PDE1A: variants seen among roughly 807,000 people sequenced by gnomAD.
PDE1A encodes the protein phosphodiesterase 1A, also known as dual specificity calcium/calmodulin-dependent 3',5'-cyclic nucleotide phosphodiesterase 1A.
A neutral mutation model predicts 61.7 loss-of-function variants in PDE1A; 35 were observed. The ratio of observed to expected loss-of-function variants is 0.57; its 90% confidence interval spans 0.43 to 0.75. The LOEUF (loss-of-function observed/expected upper bound fraction) is 0.75, where lower values mean the gene tolerates loss of function less well. Ranked by LOEUF, PDE1A falls within the 30% of genes least tolerant of loss-of-function variation. The pLI, the probability that PDE1A is intolerant of heterozygous loss-of-function variation, is 0.00. For missense variants in PDE1A, 597 were observed against 630.6 expected, an observed-to-expected ratio of 0.95 and a Z score of 0.57; for synonymous variants, 232 against 213.2, an observed-to-expected ratio of 1.09 and a Z score of -0.77.
chr2:182,644,339 C>T, the PDE1A span, among the ~76,000 whole-genome samples: 1 of 146,546 alleles, frequency 6.8e-6, no homozygotes, highest in Admixed American at 6.8e-5. Flanking sequence ...GTATGAAACC[C>T]AAAGTTGTTA....
intron 2 of PDE1A, among the ~76,000 whole-genome samples, chr2:182,451,570 T>A: frequency 6.6e-6 from 1 of 152,062 alleles, no homozygotes; most frequent in East Asian, 1.9e-4. Context: ...AAATGTTAAT[T>A]TTTTTATAAA....
the PDE1A span, among the ~76,000 whole-genome samples, chr2:182,644,181 C>T: frequency 7.8e-6 from 1 of 128,166 alleles, no homozygotes; most frequent in Non-Finnish European, 1.7e-5. Flanking sequence ...TGAGCTTCTA[C>T]ACCTGAGGAT....
the PDE1A span, among the ~76,000 whole-genome samples, chr2:182,677,883 T>C: frequency 6.6e-6 from 1 of 152,172 alleles, no homozygotes; most frequent in Admixed American, 6.5e-5. Flanking sequence ...TCTGTACATG[T>C]CTGACTGCCC....
chr2:182,364,501 C>CAAAAAAAAA (rs1699725685), intron 1 of PDE1A, among the ~76,000 whole-genome samples: 1 of 35,502 alleles, frequency 2.8e-5, no homozygotes, highest in African/African-American at 8.3e-5. Context: ...AAAAAAAAAC[C>CAAAAAAAAA]TTATTCTGAA....
intron 13 of PDE1A, among the ~76,000 whole-genome samples, chr2:182,149,560 A>C (rs1196886951): frequency 6.6e-6 from 1 of 152,210 alleles, no homozygotes; most frequent in Non-Finnish European, 1.5e-5. Context: ...CATGACAGCC[A>C]GATAGCAGAG....
At chr2:182,652,701 A>C in the PDE1A span, among the ~76,000 whole-genome samples, 1 of 152,176 alleles carries the variant, frequency 6.6e-6, no homozygotes, top group Non-Finnish European at 1.5e-5. Context: ...CCTCTTCAAA[A>C]AGCTTCATAT....
intron 2 of PDE1A, among the ~76,000 whole-genome samples, chr2:182,506,087 C>A (rs1689394425): frequency 6.6e-6 from 1 of 152,168 alleles, no homozygotes; most frequent in South Asian, 2.1e-4. Context: ...AACTAAATAT[C>A]AGAAAATGAT....
intron 13 of PDE1A, among the ~76,000 whole-genome samples, chr2:182,158,022 T>C (rs1457583611): frequency 6.6e-6 from 1 of 152,190 alleles, no homozygotes; most frequent in Non-Finnish European, 1.5e-5. Flanking sequence ...ACGTTATTTC[T>C]TTCTCTGCTA....
chr2:182,306,864 G>T (rs1049453195), intron 1 of PDE1A, among the ~76,000 whole-genome samples: 2 of 152,128 alleles, frequency 1.3e-5, no homozygotes, highest in African/African-American at 2.4e-5. Context: ...AAACACAGGG[G>T]TGACACTATA....
chr2:182,516,310 GTCAC>G (rs1690144415), intron 2 of PDE1A, among the ~76,000 whole-genome samples: 1 of 152,000 alleles, frequency 6.6e-6, no homozygotes, highest in Non-Finnish European at 1.5e-5. Context: ...TTAAGTCCTT[GTCAC>G]TCACTCCTAC....
chr2:182,679,480 C>T, the PDE1A span, among the ~76,000 whole-genome samples: 3 of 150,772 alleles, frequency 2.0e-5, no homozygotes, highest in Admixed American at 6.6e-5. Flanking sequence ...AGATTACAGG[C>T]GTGAGCCACC....
At chr2:182,341,511 C>T (rs1294249199) in intron 1 of PDE1A, among the ~76,000 whole-genome samples, 3 of 152,138 alleles carry the variant, frequency 2.0e-5, no homozygotes, top group African/African-American at 7.2e-5. Flanking sequence ...CTCATAGTTC[C>T]CTTCCCTGAA....
At chr2:182,399,898 G>T (rs10198076) in intron 1 of PDE1A, among the ~76,000 whole-genome samples, 110,328 of 151,956 alleles carry the variant, frequency 0.73, 40,320 homozygotes, top group East Asian at 0.96. Context: ...GATGGTCCTA[G>T]ATACTGATGT....
At chr2:182,222,516 A>G (rs943137770) in intron 7 of PDE1A, among the ~76,000 whole-genome samples, 1 of 152,034 alleles carries the variant, frequency 6.6e-6, no homozygotes, top group Non-Finnish European at 1.5e-5. Context: ...CCATAATGCA[A>G]AGAGTGAACC....
chr2:182,644,128 T>TACAC, the PDE1A span, among the ~76,000 whole-genome samples: 9,144 of 129,468 alleles, frequency 0.071, 382 homozygotes, highest in Middle Eastern at 0.11. Context: ...AATCAATGAT[T>TACAC]ACACACACAC....
chr2:182,185,694 CACAA>C, intron 13 of PDE1A, 194 bp downstream of exon 13: 1 of 976,300 alleles, frequency 1.0e-6, no homozygotes, highest in Non-Finnish European at 1.5e-6. Flanking sequence ...GCCCATGTGG[CACAA>C]ACAAACCAGA....
At chr2:182,666,727 A>G in the PDE1A span, among the ~76,000 whole-genome samples, 1 of 152,208 alleles carries the variant, frequency 6.6e-6, no homozygotes, top group Non-Finnish European at 1.5e-5. Context: ...ACATTCAGGA[A>G]CCAGGGAAGA....
intron 2 of PDE1A, among the ~76,000 whole-genome samples, chr2:182,475,594 G>A (rs1288320279): frequency 1.3e-5 from 2 of 151,866 alleles, no homozygotes; most frequent in Non-Finnish European, 2.9e-5. Flanking sequence ...TATAGTTTTT[G>A]TGACTGAAAT....
chr2:182,424,829 T>C (rs899503374), intron 1 of PDE1A, among the ~76,000 whole-genome samples: 6 of 152,208 alleles, frequency 3.9e-5, no homozygotes, highest in African/African-American at 1.2e-4. Flanking sequence ...TGCTCTCACA[T>C]ACAGCTTTAA....
Sources: gnomAD v4.1 joint callset for allele counts (sites outside exome capture counted in the v4.1 genomes callset) on GRCh38, gnomAD v4.1.1 for gene constraint, MANE v1.5 for transcripts, NCBI Gene and HGNC (gene_info 2026-07-23, HGNC 2026-07-21) for gene names.